The following CHST4 variants were observed in gnomAD, a reference collection of about 807,000 sequenced individuals.
CHST4 encodes the protein GST-3.
For missense variants in CHST4, 466 were observed against 506.0 expected (o/e 0.92, Z 0.76); for synonymous variants, 171 against 195.5 (o/e 0.87, Z 1.05).
chr16:71,532,902 T>G (rs1042579355), intron 1 of CHST4, among the ~76,000 whole-genome samples: 1 of 152,180 alleles, frequency 6.6e-6, no homozygotes, highest in African/African-American at 2.4e-5. Flanking sequence ...CTGTGGTTAA[T>G]CCATATAATA....
In CHST4 at chr16:71,537,543, G is replaced by C. The variant is rs146072743; in HGVS notation, c.866G>C (p.Arg289Pro). 6.2e-6 allele frequency: 10 copies of C among 1,614,172 alleles called. No individual in the cohort carries two copies. The highest frequency in any genetic ancestry group is 7.6e-6 in the Non-Finnish European group (9 of 1,180,036). The change falls in exon 2 of 2, where the codon CGA becomes CCA. Residue 289 changes from arginine (R) to proline (P), a missense_variant. Coordinates refer to ENST00000539698, the MANE Select transcript of CHST4 (RefSeq NM_001166395.2). The surrounding 1 kb of genome is among the most constrained non-coding windows in gnomAD (Gnocchi z 4.2). ...CGAGCCCCTGTGGCCCAGACTTCCC[G>C]AATGTATGAATTCGTGGGATTGGAA... ...LARAPVAQTS[R>P]MYEFVGLEFL...
At position 71,537,542 on chromosome 16, in the gene CHST4, C is replaced by T. The variant is rs144191969; in HGVS notation, c.865C>T (p.Arg289Ter). 7 of 1,614,052 alleles carry T rather than the reference C, an allele frequency of 4.3e-6. No homozygotes were observed. Among genetic ancestry groups the T allele is most frequent in the Admixed American group, 1.7e-5 (1 of 60,002 alleles). ...LARAPVAQTS[R>*]MYEFVGLEFL... ...TCGAGCCCCTGTGGCCCAGACTTCC[C>T]GAATGTATGAATTCGTGGGATTGGA... The change falls in exon 2 of 2, where the codon CGA (arginine) becomes TGA (stop). Residue 289 changes from arginine (R) to a stop codon, truncating the protein, a stop_gained. Transcript: ENST00000539698. LOFTEE classifies it low-confidence loss of function (END_TRUNC). The surrounding 1 kb of genome is among the most constrained non-coding windows in gnomAD (Gnocchi z 4.2).
chr16:71,533,939 G>A (rs1398234313), intron 1 of CHST4, among the ~76,000 whole-genome samples: 2 of 151,962 alleles, frequency 1.3e-5, no homozygotes, highest in African/African-American at 4.8e-5. Context: ...CTACTCAGGA[G>A]GCTGAGGCAG....
Position 71,537,058 on chromosome 16 carries a change from G to A in CHST4, c.381G>A (p.Glu127=), listed in dbSNP as rs753155123. Residue 127 remains glutamate, a synonymous_variant, in exon 2 of 2, where the codon GAG becomes GAA. Transcript: ENST00000539698. This position sits in a 1 kb window ranked among gnomAD's most constrained non-coding sequence, Gnocchi z 4.2. ...PRRQSSLFQW[E]NSRALCSAPA... ...GACAGTCCAGCCTCTTTCAGTGGGA[G>A]AACAGCCGGGCCCTGTGTTCTGCAC... is the stretch of plus-strand genomic sequence containing the variant. The A allele has an allele frequency of 2.5e-6, 4 of 1,614,036 alleles. No homozygotes were observed. In the African/African-American group the frequency reaches 4.0e-5, roughly 16 times the overall value.
intron 1 of CHST4, among the ~76,000 whole-genome samples, chr16:71,527,676 G>A (rs2043918600): frequency 6.6e-6 from 1 of 151,958 alleles, no homozygotes; most frequent in Non-Finnish European, 1.5e-5. Flanking sequence ...CTTGAAACCG[G>A]GAGGCTGCAG....
Position 71,538,489 on chromosome 16 carries a change from G to A in CHST4, c.*651G>A, listed in dbSNP as rs563320145. On this transcript the variant is annotated 3_prime_UTR_variant, in exon 2 of 2. Transcript: ENST00000539698. ...ACTTTGACCTGTGAAGCTGCCATCT[G>A]TTAATACTAAAATTCCCAAATAAGG... The A allele has an allele frequency of 6.0e-6, 1 of 167,204 alleles. No individual in the cohort carries two copies. The highest frequency in any genetic ancestry group is 2.4e-5 in the African/African-American group (1 of 41,570). The allele number at this position is 167,204 out of a possible 1,614,324, so 10.4% of individuals were successfully genotyped here.
chr16:71,532,849 A>G (rs1407117285), intron 1 of CHST4, among the ~76,000 whole-genome samples: 1 of 152,220 alleles, frequency 6.6e-6, no homozygotes, highest in East Asian at 1.9e-4. Flanking sequence ...GATTGGAAAC[A>G]ACTCATAAGC....
chr16:71,536,059 A>G (rs1015097099), intron 1 of CHST4, among the ~76,000 whole-genome samples: 2 of 152,214 alleles, frequency 1.3e-5, no homozygotes, highest in African/African-American at 4.8e-5. Flanking sequence ...AACTAAAGCC[A>G]AGCAGTTGCA....
rs775594915 is a variant in CHST4 at position 71,537,318 on chromosome 16, G to T, written c.641G>T (p.Arg214Leu). 1.9e-6 allele frequency: 3 copies of T among 1,614,190 alleles called. No homozygotes were observed. The South Asian group carries it at 3.3e-5, about 18-fold the overall frequency. ...VRDPRAVFRS[R>L]ERTKGDLMID... ...GACCCCCGGGCCGTGTTCCGTTCCC[G>T]AGAACGCACAAAGGGAGATCTCATG... Residue 214 changes from arginine (R) to leucine (L), a missense_variant, in exon 2 of 2, where the codon CGA (arginine) becomes CTA (leucine). By Grantham distance (102) the Arg-to-Leu change is moderately radical (BLOSUM62 -2). Coordinates refer to ENST00000539698, the MANE Select transcript of CHST4 (RefSeq NM_001166395.2). This position sits in a 1 kb window ranked among gnomAD's most constrained non-coding sequence, Gnocchi z 4.2.
chr16:71,535,800 TAGATTCAG>T (rs2043982844), intron 1 of CHST4, among the ~76,000 whole-genome samples: 1 of 152,090 alleles, frequency 6.6e-6, no homozygotes, highest in South Asian at 2.1e-4. Flanking sequence ...TCAGCTCAAA[TAGATTCAG>T]ATAGTTTATT....
chr16:71,537,705 T>C lies in CHST4; in HGVS notation c.1028T>C (p.Val343Ala), dbSNP rs2044003412. ...AWRWSLPYEK[V>A]SRLQKACGDA... Reference sequence around the variant, plus strand: ...CGCTGGTCTTTGCCCTATGAAAAGGTTTCTCGACTTCAGAAAGCCTGTGGC... The same window carrying C: ...CGCTGGTCTTTGCCCTATGAAAAGGCTTCTCGACTTCAGAAAGCCTGTGGC... The change falls in exon 2 of 2, where the codon GTT (valine) becomes GCT (alanine). Residue 343 changes from valine (V) to alanine (A), a missense_variant. By Grantham distance (64) the Val-to-Ala change is moderately conservative (BLOSUM62 0). Transcript: ENST00000539698. The surrounding 1 kb of genome is among the most constrained non-coding windows in gnomAD (Gnocchi z 4.2). 6.2e-7 allele frequency: 1 copy of C among 1,614,146 alleles called. No homozygotes were observed. The highest frequency in any genetic ancestry group is 8.5e-7 in the Non-Finnish European group (1 of 1,180,030).
At chr16:71,526,858 TG>T (rs1350258510) in intron 1 of CHST4, among the ~76,000 whole-genome samples, 1 of 152,142 alleles carries the variant, frequency 6.6e-6, no homozygotes, top group Admixed American at 6.5e-5. Context: ...CTCTGTTTTC[TG>T]CTGGGGAGTG....
chr16:71,536,793 A>C lies in CHST4; in HGVS notation c.116A>C (p.Gln39Pro). Residue 39 changes from glutamine to proline, a missense_variant, in exon 2 of 2, where the codon CAG becomes CCG. Gln to Pro is a moderately conservative substitution (Grantham distance 76, BLOSUM62 -1). Coordinates refer to ENST00000539698, the MANE Select transcript of CHST4 (RefSeq NM_001166395.2). ...ATCAGCTCCCTGTCTATGAAGGCAC[A>C]GCCCGAGCGCATGCACGTGCTGGTT... Reference protein sequence around the residue: ...HNISSLSMKAQPERMHVLVLS... With the variant: ...HNISSLSMKAPPERMHVLVLS... 1 of 1,518,478 alleles carries C rather than the reference A, an allele frequency of 6.6e-7. No homozygotes were observed. Among genetic ancestry groups the C allele is most frequent in the South Asian group, 1.3e-5 (1 of 74,884 alleles). 94.1% of individuals were successfully genotyped at this position (1,518,478 alleles called of 1,614,324 possible).
intron 1 of CHST4, among the ~76,000 whole-genome samples, chr16:71,533,901 G>T (rs1038604469): frequency 3.9e-5 from 6 of 151,962 alleles, no homozygotes; most frequent in African/African-American, 1.5e-4. Context: ...AATTAGCTGA[G>T]CCTGGTGGCA....
At chr16:71,529,373 G>A (rs927571117) in intron 1 of CHST4, among the ~76,000 whole-genome samples, 3 of 151,714 alleles carry the variant, frequency 2.0e-5, no homozygotes, top group African/African-American at 4.8e-5. Context: ...TAACTGAGAC[G>A]GCATGGGTAA....
chr16:71,535,182 G>C (rs1391025804), intron 1 of CHST4, among the ~76,000 whole-genome samples: 3 of 152,036 alleles, frequency 2.0e-5, no homozygotes, highest in Middle Eastern at 3.2e-3. Context: ...ATATTTGTGG[G>C]TTTTTTTGGA....
At chr16:71,536,126 A>G (rs997585951) in intron 1 of CHST4, among the ~76,000 whole-genome samples, 10 of 152,292 alleles carry the variant, frequency 6.6e-5, no homozygotes, top group African/African-American at 2.4e-4. Context: ...GCTTAACTGC[A>G]GTGAGGGAGG....
At position 71,537,974 on chromosome 16, in the gene CHST4, C is replaced by G. The variant is rs1276215655; in HGVS notation, c.*136C>G. 2.6e-6 allele frequency: 2 copies of G among 777,474 alleles called. No individual in the cohort carries two copies. Among genetic ancestry groups the G allele is most frequent in the Non-Finnish European group, 4.1e-6 (2 of 483,514 alleles). The allele number at this position is 777,474 out of a possible 1,614,324, so 48.2% of individuals were successfully genotyped here. On this transcript the variant is annotated 3_prime_UTR_variant, in exon 2 of 2. Coordinates refer to ENST00000539698, the MANE Select transcript of CHST4 (RefSeq NM_001166395.2). This position sits in a 1 kb window ranked among gnomAD's most constrained non-coding sequence, Gnocchi z 4.2. ...ACACTGAGTGTGAGTTGTGTCCACA[C>G]GTGCTCAAGCAGAAGGACTTTTGTG...
intron 1 of CHST4, among the ~76,000 whole-genome samples, chr16:71,528,177 G>C (rs28574932): frequency 0.06 from 8,989 of 150,208 alleles, 869 homozygotes; most frequent in African/African-American, 0.21. Context: ...TTGAACCTGA[G>C]GAGTCGAGGT....
Sources: gnomAD v4.1 joint callset for allele counts (sites outside exome capture counted in the v4.1 genomes callset) on GRCh38, gnomAD v4.1.1 for gene constraint, Gnocchi (gnomAD v3.1) non-coding constraint, MANE v1.5 for transcripts, NCBI Gene and HGNC (gene_info 2026-07-23, HGNC 2026-07-21) for gene names.